The following ZC4H2 variants were observed in gnomAD, a reference collection of about 807,000 sequenced individuals.
The protein encoded by ZC4H2 is zinc finger C4H2-type containing, also known as zinc finger C4H2 domain-containing protein.
For missense variants in ZC4H2, 137 were observed against 173.9 expected, an observed-to-expected ratio of 0.79 and a Z score of 1.19; for synonymous variants, 84 against 66.3, an observed-to-expected ratio of 1.27 and a Z score of -1.30.
intron 1 of ZC4H2, among the ~76,000 whole-genome samples, chrX:65,029,953 G>A (rs1385419308): frequency 9.0e-6 from 1 of 110,593 alleles, no homozygotes; most frequent in Non-Finnish European, 1.9e-5. Flanking sequence ...AACTAAATCT[G>A]TGGCAACATC....
chrX:64,942,155 T>G (rs1031456856), intron 1 of ZC4H2, among the ~76,000 whole-genome samples: 1 of 111,643 alleles, frequency 9.0e-6, no homozygotes, highest in African/African-American at 3.3e-5. Context: ...ATCCATTTCT[T>G]CTAGATTTTT....
intron 1 of ZC4H2, among the ~76,000 whole-genome samples, chrX:65,000,031 G>A (rs183591655): frequency 1.8e-5 from 2 of 112,382 alleles, no homozygotes; most frequent in East Asian, 5.6e-4. Flanking sequence ...AGATTTAAAC[G>A]TTCATGCCTG....
intron 1 of ZC4H2, among the ~76,000 whole-genome samples, chrX:64,924,501 T>G (rs191381881): frequency 9.0e-5 from 10 of 111,434 alleles, no homozygotes; most frequent in Non-Finnish European, 1.9e-4. Flanking sequence ...AGGTTGTATG[T>G]AAAATCATAT....
At chrX:64,951,776 T>C (rs1182093134) in intron 1 of ZC4H2, among the ~76,000 whole-genome samples, 1 of 111,101 alleles carries the variant, frequency 9.0e-6, no homozygotes, top group South Asian at 3.8e-4. Flanking sequence ...TGGTAGTTTC[T>C]TTTGCTGTGC....
chrX:64,982,328 C>T, intron 1 of ZC4H2, among the ~76,000 whole-genome samples: 1 of 112,144 alleles, frequency 8.9e-6, no homozygotes, highest in Non-Finnish European at 1.9e-5. Context: ...GCACATCTTT[C>T]CCAGGCTGGG....
chrX:64,933,452 A>G (rs1232942880), intron 1 of ZC4H2, among the ~76,000 whole-genome samples: 1 of 111,623 alleles, frequency 9.0e-6, no homozygotes, highest in Non-Finnish European at 1.9e-5. Flanking sequence ...TACCAGAATT[A>G]CTTTCCTGCT....
intron 1 of ZC4H2, among the ~76,000 whole-genome samples, chrX:65,002,679 G>A (rs1369604717): frequency 9.0e-6 from 1 of 111,126 alleles, no homozygotes; most frequent in Admixed American, 9.5e-5. Context: ...GTAGAAAGAA[G>A]TAGACATAGG....
chrX:65,018,428 T>C (rs1392461637), intron 1 of ZC4H2, among the ~76,000 whole-genome samples: 3 of 111,323 alleles, frequency 2.7e-5, no homozygotes, highest in African/African-American at 6.5e-5. Context: ...GCACAAAGGG[T>C]TGGTGGATTT....
intron 1 of ZC4H2, among the ~76,000 whole-genome samples, chrX:65,027,016 C>G (rs902586507): frequency 8.9e-6 from 1 of 112,309 alleles, no homozygotes; most frequent in African/African-American, 3.2e-5. Context: ...AGATTCCAGA[C>G]TCCCAAGGAA....
At chrX:64,949,955 G>C (rs1298565685) in intron 1 of ZC4H2, among the ~76,000 whole-genome samples, 1 of 111,656 alleles carries the variant, frequency 9.0e-6, no homozygotes, top group Non-Finnish European at 1.9e-5. Flanking sequence ...GTCAATTTTA[G>C]ATCTTTCCTA....
intron 1 of ZC4H2, among the ~76,000 whole-genome samples, chrX:65,010,372 A>G (rs1285027153): frequency 8.9e-6 from 1 of 112,795 alleles, no homozygotes; most frequent in Non-Finnish European, 1.9e-5. Context: ...CTTCCTGTCC[A>G]GTGACAGAAA....
chrX:64,979,332 C>T (rs746553445), upstream of ZC4H2, among the ~76,000 whole-genome samples: 2 of 112,765 alleles, frequency 1.8e-5, no homozygotes, highest in South Asian at 7.3e-4. Flanking sequence ...ATGTCCCATG[C>T]TTCCAACTAT....
rs991040082 is a variant in ZC4H2, at chrX:65,009,370, C to G, written c.-272+25259G>C. The stretch of plus-strand genomic sequence containing the variant: ...CCTTCTCTCAGAAGTTGCAAGCCTT[C>G]AATAGACTCCAGAGTTTGAAAATAG... On this transcript the variant is annotated intron_variant, in intron 1 of 4. Coordinates refer to the ZC4H2 transcript ENST00000337990. Among the ~76,000 whole-genome samples the G allele has an allele frequency of 2.7e-5, 3 of 110,730 alleles. No individual in the cohort carries two copies. In the Admixed American group the frequency reaches 2.9e-4, roughly 11 times the overall value.
chrX:64,917,653 G>A lies in ZC4H2; in HGVS notation c.*130C>T. The A allele has an allele frequency of 1.0e-6, 1 of 952,859 alleles. No homozygotes were observed. The highest frequency in any genetic ancestry group is 1.4e-6 in the Non-Finnish European group (1 of 703,686). 78.5% of individuals were successfully genotyped at this position (952,859 alleles called of 1,213,427 possible). On this transcript the variant is annotated 3_prime_UTR_variant, in exon 5 of 5. Coordinates refer to ENST00000374839, the MANE Select transcript of ZC4H2 (RefSeq NM_018684.4). ...GAAATAGGAGCAAAGTGAGAGAGGG[G>A]TTGTGCTTCCATCACATTAAATAGG... is the stretch of plus-strand genomic sequence containing the variant.
At chrX:64,954,817 A>G (rs1931089656) in intron 1 of ZC4H2, among the ~76,000 whole-genome samples, 2 of 111,396 alleles carry the variant, frequency 1.8e-5, no homozygotes, top group African/African-American at 6.5e-5. Flanking sequence ...ACTCTGCCAG[A>G]TTTGAATGCT....
chrX:64,967,736 G>C (rs777265716), intron 1 of ZC4H2, among the ~76,000 whole-genome samples: 4 of 111,797 alleles, frequency 3.6e-5, no homozygotes, highest in African/African-American at 1.3e-4. Context: ...GATGGGAAAG[G>C]GACTAGCACA....
In ZC4H2 at chrX:64,917,632, T is replaced by C. The variant is rs772594375; in HGVS notation, c.*151A>G. 2.1e-4 allele frequency: 178 copies of C among 839,823 alleles called. 2 individuals carry two copies. The African/African-American group carries it at 3.3e-3, about 16-fold the overall frequency. The allele number at this position is 839,823 out of a possible 1,213,427, so 69.2% of individuals were successfully genotyped here. A position where few individuals can be genotyped will look rare whatever the true frequency, so the allele number is the denominator to read the frequency against. On this transcript the variant is annotated 3_prime_UTR_variant, in exon 5 of 5. Coordinates refer to ENST00000374839, the MANE Select transcript of ZC4H2 (RefSeq NM_018684.4). ...CAGAAATCCCAAGAGCAGAAAGAAA[T>C]AGGAGCAAAGTGAGAGAGGGGTTGT...
At chrX:65,012,243 A>AAAAAG (rs1932762311) in intron 1 of ZC4H2, among the ~76,000 whole-genome samples, 1 of 99,745 alleles carries the variant, frequency 1.0e-5, no homozygotes, top group East Asian at 3.1e-4. Context: ...AAAAAAAAAA[A>AAAAAG]AAAGAAAGAA....
intron 1 of ZC4H2, among the ~76,000 whole-genome samples, chrX:64,958,169 T>C (rs1051040613): frequency 5.3e-5 from 6 of 112,499 alleles, no homozygotes; most frequent in African/African-American, 1.6e-4. Flanking sequence ...TCAAGTATCA[T>C]GTACTGTAGA....
Sources: gnomAD v4.1 joint callset for allele counts (sites outside exome capture counted in the v4.1 genomes callset) on GRCh38, gnomAD v4.1.1 for gene constraint, MANE v1.5 for transcripts, NCBI Gene and HGNC (gene_info 2026-07-23, HGNC 2026-07-21) for gene names.